The following COL24A1 variants were observed in gnomAD, a reference collection of about 807,000 sequenced individuals.
COL24A1 encodes the protein collagen alpha-1(XXIV) chain.
COL24A1 carries 224 observed loss-of-function variants against 253.9 expected under a neutral mutation model. The observed-to-expected ratio is 0.88, with a 90% confidence interval of 0.79 to 0.99. The LOEUF is 0.99. COL24A1 is among the 50% of genes least tolerant of loss of function. The pLI is 0.00. For missense variants in COL24A1, 2,131 were observed against 2,068.5 expected (o/e 1.03, Z -0.59); for synonymous variants, 685 against 673.7 (o/e 1.02, Z -0.26).
At chr1:85,938,284 C>T (rs1688408356) in intron 24 of COL24A1, among the ~76,000 whole-genome samples, 1 of 147,052 alleles carries the variant, frequency 6.8e-6, no homozygotes, top group Non-Finnish European at 1.5e-5. Flanking sequence ...TCCATTCCCA[C>T]AAAATGTGAG....
chr1:85,741,055 G>T (rs12757270), intron 57 of COL24A1, among the ~76,000 whole-genome samples: 1 of 146,560 alleles, frequency 6.8e-6, no homozygotes. Context: ...GAAGGCGGAG[G>T]TTGCAGTGAG....
rs142055173 is a variant in COL24A1, at chr1:85,874,929, GAAAC to G, written c.3085-231_3085-228del. On this transcript the variant is annotated intron_variant, in intron 34 of 59. Coordinates refer to ENST00000370571, the MANE Select transcript of COL24A1 (RefSeq NM_152890.7). Reference sequence around the variant, plus strand: ...TCAGTGGCAGCATTAGATTCTCATAGAAACACGAACCCTATTGTCAACTGTGCAT... The same window carrying G: ...TCAGTGGCAGCATTAGATTCTCATAGACGAACCCTATTGTCAACTGTGCAT... Among the ~76,000 whole-genome samples the G allele has an allele frequency of 3.2e-3, 494 of 152,324 alleles. 4 individuals carry two copies. The highest frequency in any genetic ancestry group is 0.012 in the African/African-American group (479 of 41,578).
In COL24A1 at chr1:86,017,203, C is replaced by T. The variant is rs764259665; in HGVS notation, c.2258G>A (p.Gly753Asp). Residue 753 changes from glycine to aspartate, a missense_variant and splice_region_variant, in exon 19 of 60, where the codon GGC becomes GAC. Transcript: ENST00000370571. ...PGMRGKSGPS[G>D]QTGDPGLQGP... The stretch of plus-strand genomic sequence containing the variant: ...TTGGAGTCCTGGGTCACCTGTTTGG[C>T]CCTAAAATGGGGGGGGAGGATCAAA... 2.7e-5 allele frequency: 42 copies of T among 1,559,036 alleles called. No homozygotes were observed. Among genetic ancestry groups the T allele is most frequent in the Non-Finnish European group, 3.5e-5 (41 of 1,162,200 alleles).
chr1:85,817,923 C>T, intron 46 of COL24A1, 111 bp downstream of exon 46: 1 of 880,116 alleles, frequency 1.1e-6, no homozygotes, highest in Non-Finnish European at 1.8e-6. Context: ...TTTTAAAAGA[C>T]AATCTGATTT....
intron 47 of COL24A1, among the ~76,000 whole-genome samples, chr1:85,790,776 C>T (rs1342169941): frequency 6.6e-6 from 1 of 152,044 alleles, no homozygotes; most frequent in Non-Finnish European, 1.5e-5. Context: ...ATGGCAAAGC[C>T]TTGTATTTAC....
chr1:85,885,163 C>T (rs895484301), intron 32 of COL24A1, among the ~76,000 whole-genome samples: 1 of 151,106 alleles, frequency 6.6e-6, no homozygotes, highest in African/African-American at 2.4e-5. Flanking sequence ...GGAGTGATGA[C>T]TTCCAAATTC....
chr1:85,770,644 C>T (rs1175684329), intron 53 of COL24A1, among the ~76,000 whole-genome samples: 1 of 152,110 alleles, frequency 6.6e-6, no homozygotes, highest in Non-Finnish European at 1.5e-5. Flanking sequence ...CCTATAACAT[C>T]ATGTTAAATC....
intron 55 of COL24A1, among the ~76,000 whole-genome samples, chr1:85,758,438 T>C (rs1032578014): frequency 6.6e-6 from 1 of 152,154 alleles, no homozygotes; most frequent in South Asian, 2.1e-4. Flanking sequence ...GTTCTTCCCT[T>C]TATTCTACTA....
At chr1:86,142,825 A>G (rs945878755) in intron 2 of COL24A1, among the ~76,000 whole-genome samples, 4 of 152,312 alleles carry the variant, frequency 2.6e-5, no homozygotes, top group African/African-American at 9.6e-5. Flanking sequence ...TGCCTAGCAC[A>G]ATGAATTGTA....
Position 85,734,891 on chromosome 1 carries a change from G to A in COL24A1, c.4856C>T (p.Thr1619Ile). ...CCTTGGGGTGTTTAGACAGTGAATG[G>A]TGATGATATGGGTGGCTTCCGAACT... is the stretch of plus-strand genomic sequence containing the variant. ...LLSSEATHII[T>I]IHCLNTPRWT... Residue 1619 changes from threonine (T) to isoleucine (I), a missense_variant, in exon 59 of 60, where the codon ACC becomes ATC. Transcript: ENST00000370571. 6.2e-7 allele frequency: 1 copy of A among 1,614,204 alleles called. No homozygotes were observed. The highest frequency in any genetic ancestry group is 1.1e-5 in the South Asian group (1 of 91,076).
rs536840333 is a variant in COL24A1 at position 85,907,800 on chromosome 1, TTTAA to T, written c.2725-557_2725-554del. On this transcript the variant is annotated intron_variant, in intron 27 of 59. Coordinates refer to ENST00000370571, the MANE Select transcript of COL24A1 (RefSeq NM_152890.7). ...ATGAATTATTTTTATAGCTATAGTCTTTAATTAAGACTCAACTGGAAAACAAAAT... is the reference window on the plus strand; with the variant it reads ...ATGAATTATTTTTATAGCTATAGTCTTTAAGACTCAACTGGAAAACAAAAT... Among the ~76,000 whole-genome samples, 14 of 151,988 alleles carry T rather than the reference TTTAA, an allele frequency of 9.2e-5. No individual in the cohort carries two copies. In the South Asian group the frequency reaches 2.7e-3, roughly 29 times the overall value.
At chr1:85,984,458 G>A (rs1018536620) in intron 20 of COL24A1, among the ~76,000 whole-genome samples, 2 of 151,934 alleles carry the variant, frequency 1.3e-5, no homozygotes, top group African/African-American at 4.8e-5. Context: ...GAGGAGGGAT[G>A]AGAGTTTAGA....
At chr1:85,999,520 C>T (rs12135956) in intron 19 of COL24A1, among the ~76,000 whole-genome samples, 60,234 of 151,620 alleles carry the variant, frequency 0.4, 12,332 homozygotes, top group East Asian at 0.58. Flanking sequence ...CTATTTGAGA[C>T]GTTGAGGTGG....
chr1:85,951,940 G>T (rs998511347), intron 24 of COL24A1, among the ~76,000 whole-genome samples: 1 of 152,090 alleles, frequency 6.6e-6, no homozygotes, highest in African/African-American at 2.4e-5. Flanking sequence ...ATAAAATCCA[G>T]ATTTCAATCA....
intron 52 of COL24A1, 126 bp downstream of exon 52, chr1:85,781,094 A>T: frequency 3.0e-6 from 2 of 655,782 alleles, no homozygotes; most frequent in South Asian, 2.7e-5. Flanking sequence ...CATTTTCCAG[A>T]AGAAAATGTA....
intron 34 of COL24A1, 89 bp from the exon 35 acceptor site, chr1:85,874,791 A>G (rs553711997): frequency 4.2e-6 from 6 of 1,422,498 alleles, no homozygotes; most frequent in South Asian, 2.5e-5. Context: ...CAGTTCCCCA[A>G]CGCCTGGGCC....
chr1:85,845,495 A>G (rs1000036134), intron 39 of COL24A1, among the ~76,000 whole-genome samples: 9 of 151,966 alleles, frequency 5.9e-5, no homozygotes, highest in African/African-American at 1.9e-4. Context: ...TTTTCACTAA[A>G]GACAGGCCCA....
intron 32 of COL24A1, among the ~76,000 whole-genome samples, chr1:85,880,504 TTTTTC>T (rs200440727): frequency 6.6e-6 from 1 of 152,150 alleles, no homozygotes; most frequent in African/African-American, 2.4e-5. Flanking sequence ...ATTTGTATAC[TTTTTC>T]TTTTCTTTTC....
intron 3 of COL24A1, among the ~76,000 whole-genome samples, chr1:86,122,142 G>A (rs187736701): frequency 1.3e-5 from 2 of 152,088 alleles, no homozygotes; most frequent in Admixed American, 1.3e-4. Context: ...GTTCAACAAT[G>A]ACTTCTTCAT....
Sources: allele counts gnomAD v4.1 joint callset (sites outside exome capture counted in the v4.1 genomes callset), GRCh38; gene constraint gnomAD v4.1.1; transcripts MANE v1.5; gene names NCBI Gene and HGNC (gene_info 2026-07-23, HGNC 2026-07-21).